Variants in GEN1 observed in about 807,000 individuals in gnomAD.
GEN1 encodes the protein GEN1 structure-specific endonuclease.
In GEN1, 64 loss-of-function variants were observed where a neutral mutation model predicts 67.6. The observed-to-expected ratio is 0.95, with a 90% confidence interval of 0.77 to 1.17. The LOEUF (loss-of-function observed/expected upper bound fraction) is 1.17. Among genes scored for constraint, GEN1 ranks in the 50% most tolerant of loss-of-function variants. GEN1 has a pLI of 0.00. For synonymous variants in GEN1, 371 were observed against 359.4 expected, an observed-to-expected ratio of 1.03 and a Z score of -0.37; for missense variants, 1,058 against 1,048.3, an observed-to-expected ratio of 1.01 and a Z score of -0.13.
At chr2:17,756,302 T>A (rs1436913791) in intron 1 of GEN1, among the ~76,000 whole-genome samples, 1 of 152,230 alleles carries the variant, frequency 6.6e-6, no homozygotes, top group Non-Finnish European at 1.5e-5. Flanking sequence ...ATTTAAGCCA[T>A]TAATAGGTTT....
chr2:17,759,845 CT>C, intron 1 of GEN1, 83 bp from the exon 2 acceptor site: 1 of 1,176,370 alleles, frequency 8.5e-7, no homozygotes, highest in Non-Finnish European at 1.2e-6. Context: ...TTATCCTGAA[CT>C]GGCTTATAAT....
chr2:17,767,406 A>G (rs1047271966), intron 5 of GEN1, among the ~76,000 whole-genome samples: 3 of 152,200 alleles, frequency 2.0e-5, no homozygotes, highest in Non-Finnish European at 2.9e-5. Flanking sequence ...AGAGAAGTAT[A>G]AAGAAGAATG....
At chr2:17,778,970 G>A (rs1232570659) in intron 12 of GEN1, among the ~76,000 whole-genome samples, 1 of 152,146 alleles carries the variant, frequency 6.6e-6, no homozygotes, top group Non-Finnish European at 1.5e-5. Context: ...TGCCCAGGCT[G>A]GAGAGTGCAG....
chr2:17,778,123 A>G, intron 12 of GEN1, 60 bp downstream of exon 12: 1 of 844,664 alleles, frequency 1.2e-6, no homozygotes, highest in Non-Finnish European at 2.0e-6. Context: ...TATGTCTAGT[A>G]AATATTGTAT....
In GEN1 at chr2:17,763,561, A is replaced by G. The variant is rs184087809; in HGVS notation, c.349-1336A>G. 2.6e-5 allele frequency among the ~76,000 whole-genome samples: 4 copies of G among 152,302 alleles called. No homozygotes were observed. The East Asian group carries it at 7.7e-4, about 29-fold the overall frequency. ...CCACTGCTATCTTTTAGGTATTCGC[A>G]TGAAAAGCACAAATTAGTAGTCCTC... On this transcript the variant is annotated intron_variant, in intron 3 of 13. Coordinates refer to ENST00000381254, the MANE Select transcript of GEN1 (RefSeq NM_001130009.3).
chr2:17,762,232 C>T (rs1464985524), intron 3 of GEN1, among the ~76,000 whole-genome samples: 11 of 129,746 alleles, frequency 8.5e-5, no homozygotes, highest in Admixed American at 6.9e-4. Flanking sequence ...GATGGAGTCT[C>T]GCTCTGTCAC....
chr2:17,778,086 A>G, intron 12 of GEN1, 23 bp downstream of exon 12: 6 of 1,343,776 alleles, frequency 4.5e-6, no homozygotes, highest in Non-Finnish European at 6.4e-6. Flanking sequence ...TTTAAGCAAA[A>G]TATTCCATTT....
chr2:17,775,961 A>C (rs1672405672), intron 11 of GEN1, among the ~76,000 whole-genome samples: 1 of 151,874 alleles, frequency 6.6e-6, no homozygotes, highest in South Asian at 2.1e-4. Context: ...CCAAAAATAC[A>C]AAAAATTAGC....
rs1672611462 is a variant in GEN1 at position 17,778,322 on chromosome 2, ACGTG to A, written c.1264+260_1264+263del. Among the ~76,000 whole-genome samples the A allele has an allele frequency of 2.2e-3, 43 of 19,122 alleles. 13 individuals carry two copies. Among genetic ancestry groups the A allele is most frequent in the African/African-American group, 6.9e-3 (43 of 6,230 alleles). The allele number at this position is 19,122 out of a possible 152,430, so 12.5% of individuals were successfully genotyped here. A position where few individuals can be genotyped will look rare whatever the true frequency, so the allele number is the denominator to read the frequency against. On this transcript the variant is annotated intron_variant, in intron 12 of 13. Coordinates refer to ENST00000381254, the MANE Select transcript of GEN1 (RefSeq NM_001130009.3). ...TGTACATATATGTATATACACACAC[ACGTG>A]TACATATATGTATACACACACATGT...
intron 6 of GEN1, 96 bp downstream of exon 6, chr2:17,768,907 G>A: frequency 1.5e-6 from 1 of 657,416 alleles, no homozygotes; most frequent in East Asian, 3.0e-5. Flanking sequence ...CCAAAAAAGG[G>A]TTTTGTATTT....
In GEN1 at chr2:17,772,622, G is replaced by T; in HGVS notation, c.803-12G>T. 1 of 1,573,882 alleles carries T rather than the reference G, an allele frequency of 6.4e-7. No individual in the cohort carries two copies. Among genetic ancestry groups the T allele is most frequent in the South Asian group, 1.2e-5 (1 of 85,152 alleles). The stretch of plus-strand genomic sequence containing the variant: ...GCAAAAAATATTATACTTTTTTTGG[G>T]TCTCCATAAAGGTTCACCTAAGGAT... On this transcript the variant is annotated splice_polypyrimidine_tract_variant and intron_variant, in intron 7 of 13. Transcript: ENST00000381254.
Position 17,780,635 on chromosome 2 carries a change from G to A in GEN1, c.1423G>A (p.Glu475Lys). ...GKKQKRIKPK[E>K]NNLPEPDEVM... ...TTTCTTTTCAGGTATTAAGCCTAAA[G>A]AAAACAATTTGCCAGAACCAGATGA... is the stretch of plus-strand genomic sequence containing the variant. Residue 475 changes from glutamate (E) to lysine (K), a missense_variant, in exon 14 of 14, where the codon GAA (glutamate) becomes AAA (lysine). By Grantham distance (56) the Glu-to-Lys change is moderately conservative. Coordinates refer to ENST00000381254, the MANE Select transcript of GEN1 (RefSeq NM_001130009.3). 1 of 1,580,022 alleles carries A rather than the reference G, an allele frequency of 6.3e-7. No individual in the cohort carries two copies. The highest frequency in any genetic ancestry group is 8.6e-7 in the Non-Finnish European group (1 of 1,164,216).
chr2:17,775,867 G>A (rs1361180235), intron 11 of GEN1, among the ~76,000 whole-genome samples: 1 of 152,144 alleles, frequency 6.6e-6, no homozygotes, highest in African/African-American at 2.4e-5. Context: ...GGGGCGTGGT[G>A]GCTCGCACCT....
rs200207733 is a variant in GEN1, at chr2:17,774,231, G to A, written c.1072-40G>A. 8.9e-5 allele frequency: 109 copies of A among 1,227,908 alleles called. No individual in the cohort carries two copies. The East Asian group carries it at 2.9e-3, about 32-fold the overall frequency. The allele number at this position is 1,227,908 out of a possible 1,614,324, so 76.1% of individuals were successfully genotyped here. The stretch of plus-strand genomic sequence containing the variant: ...ACCTAGGAGTGCTATTTGTCTCCAA[G>A]AGATAACAAAATCTTGTTTTATTTT... On this transcript the variant is annotated intron_variant, in intron 10 of 13. Transcript: ENST00000381254.
intron 11 of GEN1, among the ~76,000 whole-genome samples, chr2:17,776,626 C>T (rs926212126): frequency 2.0e-5 from 3 of 152,090 alleles, no homozygotes. Context: ...AAACAGTTTG[C>T]TGGGAAGTAT....
chr2:17,761,354 C>G (rs764543952), intron 2 of GEN1, 42 bp from the exon 3 acceptor site: 3 of 1,072,232 alleles, frequency 2.8e-6, no homozygotes. Context: ...CTTTTACTAT[C>G]AGTGTTTGAT....
At chr2:17,776,742 C>T (rs1672452418) in intron 11 of GEN1, among the ~76,000 whole-genome samples, 1 of 152,192 alleles carries the variant, frequency 6.6e-6, no homozygotes, top group Non-Finnish European at 1.5e-5. Flanking sequence ...AAATAATTTA[C>T]AACCTTGAAA....
chr2:17,763,644 T>C (rs1293959280), intron 3 of GEN1, among the ~76,000 whole-genome samples: 2 of 152,204 alleles, frequency 1.3e-5, no homozygotes, highest in Non-Finnish European at 2.9e-5. Context: ...TGCAACAGCC[T>C]TATAGGAAAT....
chr2:17,780,722 A>G lies in GEN1; in HGVS notation c.1510A>G (p.Asn504Asp). The change falls in exon 14 of 14, where the codon AAT (asparagine) becomes GAT (aspartate). Residue 504 changes from asparagine to aspartate, a missense_variant. Transcript: ENST00000381254. ...KPTCEIFHKQNSKLNSGISPD... is the reference protein window; with the variant it reads ...KPTCEIFHKQDSKLNSGISPD... The stretch of plus-strand genomic sequence containing the variant: ...CACATGTGAAATCTTTCATAAGCAG[A>G]ATTCCAAGTTAAATTCGGGGATTTC... 6.2e-7 allele frequency: 1 copy of G among 1,614,002 alleles called. No individual in the cohort carries two copies. Among genetic ancestry groups the G allele is most frequent in the South Asian group, 1.1e-5 (1 of 91,066 alleles).
Sources: allele counts gnomAD v4.1 joint callset (sites outside exome capture counted in the v4.1 genomes callset), GRCh38; gene constraint gnomAD v4.1.1; transcripts MANE v1.5; gene names NCBI Gene and HGNC (gene_info 2026-07-23, HGNC 2026-07-21).